The following IQSEC1 variants were observed in gnomAD, a reference collection of about 807,000 sequenced individuals.
The protein encoded by IQSEC1 is IQ motif and SEC7 domain-containing protein 1.
IQSEC1 carries 31 observed loss-of-function variants against 91.0 expected under a neutral mutation model. That is an observed-to-expected ratio of 0.34 (90% CI 0.26 to 0.46). The LOEUF (loss-of-function observed/expected upper bound fraction) is 0.46. Ranked by LOEUF, IQSEC1 falls within the 20% of genes least tolerant of loss-of-function variation. The pLI is 1.00. For missense variants in IQSEC1, 1,388 were observed against 1,575.6 expected, an observed-to-expected ratio of 0.88 and a Z score of 2.02; for synonymous variants, 699 against 662.6, an observed-to-expected ratio of 1.05 and a Z score of -0.84.
chr3:13,263,240 C>A (rs1050716245), intron 1 of IQSEC1, among the ~76,000 whole-genome samples: 1 of 142,974 alleles, frequency 7.0e-6, no homozygotes, highest in African/African-American at 2.9e-5. Context: ...TAGATCGAGA[C>A]CCTGTCTCAA....
intron 2 of IQSEC1, among the ~76,000 whole-genome samples, chr3:13,120,282 T>A (rs533402547): frequency 6.6e-6 from 1 of 152,254 alleles, no homozygotes; most frequent in East Asian, 1.9e-4. Context: ...GTGGTGACTG[T>A]CATTGCCCCC....
intron 1 of IQSEC1, among the ~76,000 whole-genome samples, chr3:13,016,725 C>CT (rs1350382191): frequency 1.3e-5 from 2 of 152,228 alleles, no homozygotes; most frequent in Non-Finnish European, 2.9e-5. Context: ...GCAGACGAGT[C>CT]TTTGTTTTCT....
At chr3:12,903,850 C>G (rs547862283) in intron 12 of IQSEC1, among the ~76,000 whole-genome samples, 48 of 152,350 alleles carry the variant, frequency 3.2e-4, no homozygotes, top group African/African-American at 8.7e-4. Flanking sequence ...CTGCGCTGGA[C>G]ATGTCAACCC....
At chr3:13,018,727 G>T (rs1337064923) in intron 1 of IQSEC1, among the ~76,000 whole-genome samples, 1 of 152,174 alleles carries the variant, frequency 6.6e-6, no homozygotes, top group Non-Finnish European at 1.5e-5. Context: ...CATCTCACAG[G>T]CGGGGAAACA....
chr3:13,068,178 T>C (rs1705298223), intron 1 of IQSEC1, among the ~76,000 whole-genome samples: 1 of 152,216 alleles, frequency 6.6e-6, no homozygotes, highest in Non-Finnish European at 1.5e-5. Context: ...TTACGCTTCC[T>C]CTGAGGCCCA....
intron 1 of IQSEC1, among the ~76,000 whole-genome samples, chr3:13,031,607 C>T (rs1369399215): frequency 6.6e-6 from 1 of 152,194 alleles, no homozygotes; most frequent in Admixed American, 6.5e-5. Context: ...TGAGAACCTA[C>T]TGTGTGCCAG....
chr3:13,187,415 T>TTGTTTTGAATG (rs1171113192), intron 1 of IQSEC1, among the ~76,000 whole-genome samples: 3 of 152,246 alleles, frequency 2.0e-5, no homozygotes, highest in Non-Finnish European at 4.4e-5. Flanking sequence ...TTTGCTTAAC[T>TTGTTTTGAATG]TGTTTTGAAT....
At chr3:13,120,122 C>T (rs752948972) in intron 2 of IQSEC1, among the ~76,000 whole-genome samples, 1 of 152,188 alleles carries the variant, frequency 6.6e-6, no homozygotes, top group African/African-American at 2.4e-5. Context: ...TTGCTGCCAG[C>T]GGCTCCCTCC....
chr3:13,073,106 G>C lies in IQSEC1; in HGVS notation c.-92C>G. The C allele has an allele frequency of 6.9e-7, 1 of 1,445,142 alleles. No individual in the cohort carries two copies. Among genetic ancestry groups the C allele is most frequent in the Non-Finnish European group, 9.5e-7 (1 of 1,050,552 alleles). 89.5% of individuals were successfully genotyped at this position (1,445,142 alleles called of 1,614,324 possible). On this transcript the variant is annotated 5_prime_UTR_variant, in exon 1 of 14. Coordinates refer to ENST00000613206, the MANE Select transcript of IQSEC1 (RefSeq NM_001134382.3). ...GAGGAGCAGGCGGCTCAGGCAAGAA[G>C]TGGAGGGGAATAAAATTAAATCGCG...
chr3:13,138,584 C>G (rs1474353063), intron 2 of IQSEC1, among the ~76,000 whole-genome samples: 1 of 152,106 alleles, frequency 6.6e-6, no homozygotes, highest in Non-Finnish European at 1.5e-5. Context: ...GGCAGCTTCG[C>G]TGTACTTGGA....
At chr3:13,231,869 C>A (rs1018343137) in intron 1 of IQSEC1, among the ~76,000 whole-genome samples, 1 of 152,230 alleles carries the variant, frequency 6.6e-6, no homozygotes, top group South Asian at 2.1e-4. Context: ...ACTCACACCC[C>A]CTTTGGCGAT....
chr3:13,237,901 G>A (rs944463929), intron 1 of IQSEC1, among the ~76,000 whole-genome samples: 8 of 152,194 alleles, frequency 5.3e-5, no homozygotes, highest in Admixed American at 5.2e-4. Flanking sequence ...GGCAGGGGGC[G>A]GGCCGAGGTC....
intron 1 of IQSEC1, among the ~76,000 whole-genome samples, chr3:13,019,951 G>A (rs1242740367): frequency 6.6e-6 from 1 of 152,236 alleles, no homozygotes; most frequent in Non-Finnish European, 1.5e-5. Flanking sequence ...GCCAGGCTCT[G>A]TGAGGCGGTG....
Position 12,924,072 on chromosome 3 carries a change from A to G in IQSEC1, c.1730+509T>C, listed in dbSNP as rs1696890428. On this transcript the variant is annotated intron_variant, in intron 4 of 13. Transcript: ENST00000613206. The surrounding 1 kb of genome is among the most constrained non-coding windows in gnomAD (Gnocchi z 6.3). Reference sequence around the variant, plus strand: ...GGGCAGAGCGTGGCACGGGCCGCCCACGGGGAGGCAGGTCACTTGATCTGA... The same window carrying G: ...GGGCAGAGCGTGGCACGGGCCGCCCGCGGGGAGGCAGGTCACTTGATCTGA... Among the ~76,000 whole-genome samples, 1 of 152,160 alleles carries G rather than the reference A, an allele frequency of 6.6e-6. No homozygotes were observed. Among genetic ancestry groups the G allele is most frequent in the South Asian group, 2.1e-4 (1 of 4,832 alleles).
rs1036641703 is a variant in IQSEC1, at chr3:13,103,194, G to A, written c.303-55672C>T. On this transcript the variant is annotated intron_variant, in intron 2 of 15. Coordinates refer to the IQSEC1 transcript ENST00000648114. This position sits in a 1 kb window ranked among gnomAD's most constrained non-coding sequence, Gnocchi z 4.1. ...TCAGTTCAGGGAAGGGGCCTGCATC[G>A]AACTCTCGCCACCTCCCTAAGCCAG... is the stretch of plus-strand genomic sequence containing the variant. Among the ~76,000 whole-genome samples the A allele has an allele frequency of 1.3e-5, 2 of 152,040 alleles. No individual in the cohort carries two copies. Among genetic ancestry groups the A allele is most frequent in the South Asian group, 2.1e-4 (1 of 4,830 alleles).
intron 1 of IQSEC1, among the ~76,000 whole-genome samples, chr3:13,239,809 C>A (rs146483908): frequency 6.6e-6 from 1 of 152,168 alleles, no homozygotes; most frequent in Non-Finnish European, 1.5e-5. Context: ...GACCACGTTG[C>A]GAAGAGGCCC....
intron 1 of IQSEC1, among the ~76,000 whole-genome samples, chr3:12,985,145 C>T (rs1359331285): frequency 6.6e-6 from 1 of 152,176 alleles, no homozygotes; most frequent in East Asian, 1.9e-4. Context: ...TTTAAGTAGT[C>T]AAATTTTTAA....
intron 1 of IQSEC1, among the ~76,000 whole-genome samples, chr3:13,058,430 C>T (rs969948022): frequency 6.6e-6 from 1 of 152,222 alleles, no homozygotes; most frequent in African/African-American, 2.4e-5. Context: ...TGGTATATGA[C>T]CTCTGTCCTT....
chr3:12,902,956 G>A (rs1259826331), intron 12 of IQSEC1, 134 bp from the exon 13 acceptor site: 11 of 718,572 alleles, frequency 1.5e-5, no homozygotes, highest in African/African-American at 5.2e-5. Context: ...CCACCTGCCC[G>A]CAGGAGCCAG....
Sources: gnomAD v4.1 joint callset for allele counts (sites outside exome capture counted in the v4.1 genomes callset) on GRCh38, gnomAD v4.1.1 for gene constraint, Gnocchi (gnomAD v3.1) non-coding constraint, MANE v1.5 for transcripts, NCBI Gene and HGNC (gene_info 2026-07-23, HGNC 2026-07-21) for gene names.